PRSS12: variants seen among roughly 807,000 people sequenced by gnomAD.
The protein encoded by PRSS12 is neurotrypsin.
In PRSS12, 85 loss-of-function variants were observed where a neutral mutation model predicts 104.4. The ratio of observed to expected loss-of-function variants is 0.81; its 90% CI spans 0.68 to 0.98. The LOEUF (loss-of-function observed/expected upper bound fraction) is 0.98, where lower values mean the gene tolerates loss of function less well. Ranked by LOEUF, PRSS12 falls within the 50% of genes least tolerant of loss-of-function variation. PRSS12 has a pLI of 0.00. For missense variants in PRSS12, 1,141 were observed against 1,139.2 expected, an observed-to-expected ratio of 1.00 and a Z score of -0.02; for synonymous variants, 454 against 425.2, an observed-to-expected ratio of 1.07 and a Z score of -0.83.
At chr4:118,306,792 A>G (rs1341408147) in intron 8 of PRSS12, among the ~76,000 whole-genome samples, 1 of 152,130 alleles carries the variant, frequency 6.6e-6, no homozygotes, top group Non-Finnish European at 1.5e-5. Context: ...CCAAGTAATA[A>G]CACACGACTA....
At chr4:118,314,820 A>T (rs949829175) in intron 6 of PRSS12, among the ~76,000 whole-genome samples, 1 of 152,090 alleles carries the variant, frequency 6.6e-6, no homozygotes, top group African/African-American at 2.4e-5. Flanking sequence ...TTAATAAAAA[A>T]ATATGAAAAA....
At chr4:118,346,806 T>C (rs1296017355) in intron 1 of PRSS12, among the ~76,000 whole-genome samples, 1 of 152,208 alleles carries the variant, frequency 6.6e-6, no homozygotes, top group Non-Finnish European at 1.5e-5. Flanking sequence ...GAACTGTGCA[T>C]GCAAGGAATC....
At chr4:118,326,141 T>A (rs577621007) in intron 4 of PRSS12, among the ~76,000 whole-genome samples, 17 of 152,338 alleles carry the variant, frequency 1.1e-4, no homozygotes, top group African/African-American at 4.1e-4. Flanking sequence ...CATTCTATTG[T>A]ACAACATAAT....
intron 7 of PRSS12, among the ~76,000 whole-genome samples, chr4:118,312,455 T>C (rs1743766777): frequency 6.6e-6 from 1 of 151,672 alleles, no homozygotes; most frequent in Non-Finnish European, 1.5e-5. Context: ...AATATTTCCC[T>C]CTGTATTTTT....
At chr4:118,316,978 G>C (rs1723458333) in intron 5 of PRSS12, among the ~76,000 whole-genome samples, 1 of 150,908 alleles carries the variant, frequency 6.6e-6, no homozygotes. Flanking sequence ...TATAACTTTA[G>C]TCTCAAGTCA....
At chr4:118,351,898 G>A (rs952435937) in intron 1 of PRSS12, among the ~76,000 whole-genome samples, 2 of 151,938 alleles carry the variant, frequency 1.3e-5, no homozygotes, top group South Asian at 4.2e-4. Context: ...GACGCCCAAA[G>A]CACACTGTCA....
At chr4:118,338,533 T>C (rs1724118043) in intron 1 of PRSS12, among the ~76,000 whole-genome samples, 1 of 152,180 alleles carries the variant, frequency 6.6e-6, no homozygotes, top group Non-Finnish European at 1.5e-5. Context: ...ATGCTAATTA[T>C]ATTTTCTTTT....
In PRSS12 at chr4:118,352,967, G is replaced by T. The variant is rs1252862506; in HGVS notation, c.-247C>A. 13 of 1,030,762 alleles carry T rather than the reference G, an allele frequency of 1.3e-5. No homozygotes were observed. Among genetic ancestry groups the T allele is most frequent in the Non-Finnish European group, 1.7e-5 (13 of 770,200 alleles). 63.9% of individuals were successfully genotyped at this position (1,030,762 alleles called of 1,614,324 possible). A position where few individuals can be genotyped will look rare whatever the true frequency, so the allele number is the denominator to read the frequency against. ...CTGGAGCTCAGCCGAGCCCCGGCCG[G>T]CGGAGAGGACCGGAAAAGAGAAGGC... On this transcript the variant is annotated 5_prime_UTR_variant, in exon 1 of 13. Coordinates refer to ENST00000296498, the MANE Select transcript of PRSS12 (RefSeq NM_003619.4).
intron 9 of PRSS12, among the ~76,000 whole-genome samples, chr4:118,298,279 T>C (rs1364958630): frequency 6.6e-6 from 1 of 152,224 alleles, no homozygotes; most frequent in Non-Finnish European, 1.5e-5. Context: ...GAATAAAATC[T>C]ACAAAACATC....
chr4:118,289,167 T>C (rs112478034), intron 11 of PRSS12, among the ~76,000 whole-genome samples: 1 of 152,208 alleles, frequency 6.6e-6, no homozygotes, highest in Non-Finnish European at 1.5e-5. Flanking sequence ...TCCTAGATTA[T>C]TCTGATACAA....
At chr4:118,288,930 G>A (rs908828210) in intron 11 of PRSS12, among the ~76,000 whole-genome samples, 2 of 152,130 alleles carry the variant, frequency 1.3e-5, no homozygotes, top group African/African-American at 2.4e-5. Context: ...CCTTTAAATA[G>A]TGATTTACCA....
At chr4:118,337,530 A>T (rs1724090086) in intron 2 of PRSS12, among the ~76,000 whole-genome samples, 1 of 152,168 alleles carries the variant, frequency 6.6e-6, no homozygotes, top group African/African-American at 2.4e-5. Flanking sequence ...GTTACAGTGG[A>T]GCCAGTTCCC....
At chr4:118,337,603 C>T (rs1359858869) in intron 2 of PRSS12, among the ~76,000 whole-genome samples, 2 of 152,102 alleles carry the variant, frequency 1.3e-5, no homozygotes, top group East Asian at 1.9e-4. Context: ...CCATCTTCCA[C>T]AAGACCTCCT....
At position 118,280,100 on chromosome 4, in the gene PRSS12, A is replaced by C. The variant is rs1305574687; in HGVS notation, c.*1836T>G. The C allele has an allele frequency of 2.0e-5, 3 of 152,256 alleles. No homozygotes were observed. The highest frequency in any genetic ancestry group is 2.9e-5 in the Non-Finnish European group (2 of 68,044). 9.4% of individuals were successfully genotyped at this position (152,256 alleles called of 1,614,324 possible). A position where few individuals can be genotyped will look rare whatever the true frequency, so the allele number is the denominator to read the frequency against. ...TGCACAGAACACTTGTATCTTTCAA[A>C]AGTCACACTTAAGACATAGTAAAAG... On this transcript the variant is annotated 3_prime_UTR_variant, in exon 13 of 13. Coordinates refer to ENST00000296498, the MANE Select transcript of PRSS12 (RefSeq NM_003619.4).
Position 118,281,546 on chromosome 4 carries a change from G to GCTGTAT in PRSS12, c.*389_*390insATACAG. 1 of 286,912 alleles carries GCTGTAT rather than the reference G, an allele frequency of 3.5e-6. No homozygotes were observed. The allele number at this position is 286,912 out of a possible 1,614,324, so 17.8% of individuals were successfully genotyped here. A position where few individuals can be genotyped will look rare whatever the true frequency, so the allele number is the denominator to read the frequency against. On this transcript the variant is annotated 3_prime_UTR_variant, in exon 13 of 13. Coordinates refer to ENST00000296498, the MANE Select transcript of PRSS12 (RefSeq NM_003619.4). ...ACTCATGAGTGTAGTAAAGGGTACCGCATTTATGTCAAATGTGGGTATTTA... is the reference window on the plus strand; with the variant it reads ...ACTCATGAGTGTAGTAAAGGGTACCGCTGTATCATTTATGTCAAATGTGGGTATTTA...
Position 118,298,847 on chromosome 4 carries a change from A to T in PRSS12, c.1723T>A (p.Ser575Thr), listed in dbSNP as rs1007930783. 1 of 1,613,916 alleles carries T rather than the reference A, an allele frequency of 6.2e-7. No individual in the cohort carries two copies. Among genetic ancestry groups the T allele is most frequent in the Admixed American group, 1.7e-5 (1 of 59,996 alleles). Reference protein sequence around the residue: ...DNVKCTGNERSLADCIKQDIG... With the variant: ...DNVKCTGNERTLADCIKQDIG... The stretch of plus-strand genomic sequence containing the variant: ...TCTTGCTTGATACAGTCAGCCAAGG[A>T]CCTCTCATTTCCTGTGCACTTCACA... Residue 575 changes from serine to threonine, a missense_variant, in exon 9 of 13, where the codon TCC (serine) becomes ACC (threonine). Physicochemically the swap from Ser to Thr is moderately conservative, Grantham distance 58. Coordinates refer to ENST00000296498, the MANE Select transcript of PRSS12 (RefSeq NM_003619.4).
chr4:118,335,044 C>T (rs965505033), intron 3 of PRSS12, among the ~76,000 whole-genome samples: 1 of 152,132 alleles, frequency 6.6e-6, no homozygotes, highest in African/African-American at 2.4e-5. Flanking sequence ...GCCCCAAGAA[C>T]ACTGATGCCA....
At chr4:118,321,509 A>T (rs1045594094) in intron 4 of PRSS12, among the ~76,000 whole-genome samples, 1 of 152,212 alleles carries the variant, frequency 6.6e-6, no homozygotes, top group Non-Finnish European at 1.5e-5. Flanking sequence ...CAGGCTTAGG[A>T]TGCAAAGCTG....
chr4:118,297,913 G>A (rs1225756234), intron 9 of PRSS12, among the ~76,000 whole-genome samples: 3 of 152,002 alleles, frequency 2.0e-5, no homozygotes, highest in South Asian at 2.1e-4. Context: ...TGAGGTGGGC[G>A]GATCATCTGA....
Sources: allele counts gnomAD v4.1 joint callset (sites outside exome capture counted in the v4.1 genomes callset), GRCh38; gene constraint gnomAD v4.1.1; transcripts MANE v1.5; gene names NCBI Gene and HGNC (gene_info 2026-07-23, HGNC 2026-07-21).